DLGAP3: variants seen among roughly 807,000 people sequenced by gnomAD.
The protein encoded by DLGAP3 is DLG associated protein 3.
In DLGAP3, 17 loss-of-function variants were observed where a neutral mutation model predicts 81.2. That is an observed-to-expected ratio of 0.21 (90% CI 0.14 to 0.31). DLGAP3 has a LOEUF of 0.31. DLGAP3 is among the 10% of genes least tolerant of loss of function. DLGAP3 has a pLI of 1.00. For synonymous variants in DLGAP3, 577 were observed against 587.4 expected, an observed-to-expected ratio of 0.98 and a Z score of 0.26; for missense variants, 1,124 against 1,388.0, an observed-to-expected ratio of 0.81 and a Z score of 3.02.
chr1:34,892,989 G>C (rs989702621), intron 5 of DLGAP3, among the ~76,000 whole-genome samples: 35 of 151,686 alleles, frequency 2.3e-4, no homozygotes, highest in Non-Finnish European at 4.0e-4. Flanking sequence ...TGGCTAACAA[G>C]GTGAAACCCC....
In DLGAP3 at chr1:34,904,455, C is replaced by A. The variant is rs1207266140; in HGVS notation, c.929G>T (p.Gly310Val). 1.6e-5 allele frequency: 26 copies of A among 1,614,172 alleles called. No homozygotes were observed. Among genetic ancestry groups the A allele is most frequent in the Non-Finnish European group, 2.2e-5 (26 of 1,180,034 alleles). Residue 310 changes from glycine (G) to valine (V), a missense_variant, in exon 3 of 12, where the codon GGC (glycine) becomes GTC (valine). Gly to Val is a moderately radical substitution (Grantham distance 109). Around this residue, in one of 9 missense-constraint regions of DLGAP3, gnomAD observed 357 missense variants for 408.8 expected, o/e 0.87. Coordinates refer to ENST00000373347, the MANE Select transcript of DLGAP3 (RefSeq NM_001080418.3). This position sits in a 1 kb window ranked among gnomAD's most constrained non-coding sequence, Gnocchi z 8.1. ...SFKGRSGGSE[G>V]RCLACTGMSM... is the part of the protein sequence containing the mutation. ...CATGCCAGTGCAGGCAAGGCAGCGG[C>A]CTTCCGACCCGCCCGAGCGCCCCTT...
chr1:34,906,626 C>A (rs1639559688), intron 2 of DLGAP3, among the ~76,000 whole-genome samples: 2 of 151,184 alleles, frequency 1.3e-5, no homozygotes, highest in South Asian at 4.3e-4. Context: ...TCCCATTCCA[C>A]TGGAGGGGAA....
intron 5 of DLGAP3, among the ~76,000 whole-genome samples, chr1:34,890,079 G>A (rs988816434): frequency 5.9e-5 from 9 of 152,202 alleles, no homozygotes; most frequent in Admixed American, 5.9e-4. Context: ...CTGATGACAA[G>A]GAAGCTGGTC....
At chr1:34,899,977 T>C in intron 4 of DLGAP3, 91 bp downstream of exon 4, 5 of 1,174,728 alleles carry the variant, frequency 4.3e-6, no homozygotes, top group Non-Finnish European at 6.2e-6. Flanking sequence ...TAAGCAGGAC[T>C]ACCTGACTGG....
chr1:34,910,274 C>T (rs1224206559), intron 1 of DLGAP3, among the ~76,000 whole-genome samples: 2 of 152,242 alleles, frequency 1.3e-5, no homozygotes, highest in Non-Finnish European at 2.9e-5. Flanking sequence ...GCAGAAAGCA[C>T]TGCTAACGAA....
intron 8 of DLGAP3, among the ~76,000 whole-genome samples, chr1:34,875,790 C>G (rs1008965434): frequency 2.0e-5 from 3 of 152,224 alleles, no homozygotes; most frequent in Admixed American, 2.0e-4. Flanking sequence ...TTCTCTCTCA[C>G]CACAAGGCCT....
chr1:34,872,164 A>G (rs1010173021), intron 8 of DLGAP3, among the ~76,000 whole-genome samples: 1 of 152,172 alleles, frequency 6.6e-6, no homozygotes, highest in East Asian at 1.9e-4. Context: ...AGGGGGAGAA[A>G]ACCACCAGAA....
chr1:34,903,291 A>T (rs541340791), intron 3 of DLGAP3, among the ~76,000 whole-genome samples: 92 of 152,224 alleles, frequency 6.0e-4, no homozygotes, highest in African/African-American at 2.1e-3. Context: ...CAGCCTCATC[A>T]CACTGTATTC....
chr1:34,890,045 A>T (rs1639289870), intron 5 of DLGAP3, among the ~76,000 whole-genome samples: 2 of 152,140 alleles, frequency 1.3e-5, no homozygotes, highest in Non-Finnish European at 2.9e-5. Flanking sequence ...AGACTAGAAT[A>T]AAAAAATTAG....
intron 2 of DLGAP3, among the ~76,000 whole-genome samples, chr1:34,906,143 T>C (rs2148413535): frequency 6.7e-6 from 1 of 149,906 alleles, no homozygotes; most frequent in Middle Eastern, 3.5e-3. Flanking sequence ...TACACATTTA[T>C]GTGTAAATAT....
Position 34,900,340 on chromosome 1 carries a change from CCCA to C in DLGAP3, c.1108-70_1108-68del. The stretch of plus-strand genomic sequence containing the variant: ...TAAATCTAGAGGCCAGGACTCTTTC[CCCA>C]CTGCCAGTGGGAGATGCCCTGCCCT... On this transcript the variant is annotated intron_variant, in intron 3 of 11. Transcript: ENST00000373347. The surrounding 1 kb of genome is among the most constrained non-coding windows in gnomAD (Gnocchi z 5.6). 6.5e-7 allele frequency: 1 copy of C among 1,532,528 alleles called. No homozygotes were observed. Among genetic ancestry groups the C allele is most frequent in the African/African-American group, 1.4e-5 (1 of 73,764 alleles). The allele number at this position is 1,532,528 out of a possible 1,614,324, so 94.9% of individuals were successfully genotyped here.
intron 7 of DLGAP3, among the ~76,000 whole-genome samples, 192 bp downstream of exon 7, chr1:34,885,286 C>T (rs1407166272): frequency 2.0e-5 from 3 of 152,220 alleles, no homozygotes. Context: ...GGCGATGGTG[C>T]CAGGACGAGG....
At position 34,904,701 on chromosome 1, in the gene DLGAP3, T is replaced by C; in HGVS notation, c.683A>G (p.His228Arg). The C allele has an allele frequency of 6.2e-7, 1 of 1,613,156 alleles. No individual in the cohort carries two copies. Among genetic ancestry groups the C allele is most frequent in the South Asian group, 1.1e-5 (1 of 91,074 alleles). ...GGACTGGTGGTGGTGGTGATGGTGG[T>C]GGTGATGGTGGTGATGGGAGGTGTG... ...GPHTSHHHHH[H>R]HHHHHHQSRH... The change falls in exon 3 of 12, where the codon CAC (histidine) becomes CGC (arginine). Residue 228 changes from histidine to arginine, a missense_variant. His to Arg is a conservative substitution (Grantham distance 29). Around this residue, in one of 9 missense-constraint regions of DLGAP3, gnomAD observed 357 missense variants for 408.8 expected, o/e 0.87. Transcript: ENST00000373347. The surrounding 1 kb of genome is among the most constrained non-coding windows in gnomAD (Gnocchi z 8.1).
At position 34,900,683 on chromosome 1, in the gene DLGAP3, GA is replaced by G. The variant is rs1183997474; in HGVS notation, c.1108-411del. ...ATCCTCTCTCCTTCCCCGCTGTGGG[GA>G]GCCACAGAGGGCTTCATGCAGGGGA... is the stretch of plus-strand genomic sequence containing the variant. On this transcript the variant is annotated intron_variant, in intron 3 of 11. Transcript: ENST00000373347. This position sits in a 1 kb window ranked among gnomAD's most constrained non-coding sequence, Gnocchi z 5.6. Among the ~76,000 whole-genome samples, 1 of 152,182 alleles carries G rather than the reference GA, an allele frequency of 6.6e-6. No individual in the cohort carries two copies. The highest frequency in any genetic ancestry group is 2.4e-5 in the African/African-American group (1 of 41,444).
intron 1 of DLGAP3, among the ~76,000 whole-genome samples, chr1:34,918,484 T>G (rs999647552): frequency 4.6e-5 from 7 of 152,168 alleles, no homozygotes; most frequent in African/African-American, 1.7e-4. Context: ...CCACACAGGT[T>G]CACCTGCTAC....
intron 1 of DLGAP3, among the ~76,000 whole-genome samples, chr1:34,927,133 C>T (rs1639884820): frequency 6.6e-6 from 1 of 152,164 alleles, no homozygotes; most frequent in Non-Finnish European, 1.5e-5. Flanking sequence ...CTAGGAATCC[C>T]TATCCCCAGC....
At chr1:34,921,740 C>T (rs976969204) in intron 1 of DLGAP3, among the ~76,000 whole-genome samples, 1 of 152,198 alleles carries the variant, frequency 6.6e-6, no homozygotes, top group Non-Finnish European at 1.5e-5. Context: ...GTGAGATGCA[C>T]ATATATATGG....
chr1:34,902,127 G>A lies in DLGAP3; in HGVS notation c.1108-1854C>T, dbSNP rs915657616. On this transcript the variant is annotated intron_variant, in intron 3 of 11. Transcript: ENST00000373347. The surrounding 1 kb of genome is among the most constrained non-coding windows in gnomAD (Gnocchi z 4.4). The stretch of plus-strand genomic sequence containing the variant: ...GTCCGTGATGTCAGCCTACACTTCG[G>A]AAAATGAGGTGTAAGTGAAGACGTG... 3.3e-5 allele frequency among the ~76,000 whole-genome samples: 5 copies of A among 152,036 alleles called. No homozygotes were observed. The highest frequency in any genetic ancestry group is 1.3e-4 in the Admixed American group (2 of 15,266).
At chr1:34,887,703 G>T (rs1639255792) in intron 5 of DLGAP3, among the ~76,000 whole-genome samples, 2 of 152,196 alleles carry the variant, frequency 1.3e-5, no homozygotes, top group Admixed American at 1.3e-4. Flanking sequence ...AGAGTTGCCT[G>T]CATGGGCTAT....
Sources: gnomAD v4.1 joint callset for allele counts (sites outside exome capture counted in the v4.1 genomes callset) on GRCh38, gnomAD v4.1.1 for gene constraint, gnomAD v4.1.1 regional missense constraint, Gnocchi (gnomAD v3.1) non-coding constraint, MANE v1.5 for transcripts, NCBI Gene and HGNC (gene_info 2026-07-23, HGNC 2026-07-21) for gene names.